CSMD3: variants seen among roughly 807,000 people sequenced by gnomAD.
CSMD3 encodes the protein CUB and Sushi multiple domains 3.
CSMD3 carries 177 observed loss-of-function variants against 435.2 expected under a neutral mutation model. That is an observed-to-expected ratio of 0.41 (90% CI 0.36 to 0.46). The LOEUF (loss-of-function observed/expected upper bound fraction) is 0.46, where lower values mean the gene tolerates loss of function less well. Among genes scored for constraint, CSMD3 ranks in the 20% least tolerant of loss-of-function variants. CSMD3 has a pLI of 0.34. For synonymous variants in CSMD3, 1,656 were observed against 1,520.5 expected, an observed-to-expected ratio of 1.09 and a Z score of -2.07; for missense variants, 4,265 against 4,504.6, an observed-to-expected ratio of 0.95 and a Z score of 1.52.
At chr8:113,189,337 T>C (rs2092552561) in intron 3 of CSMD3, among the ~76,000 whole-genome samples, 1 of 151,790 alleles carries the variant, frequency 6.6e-6, no homozygotes, top group African/African-American at 2.4e-5. Flanking sequence ...CATTCTATAC[T>C]GTCAGACTGC....
chr8:113,400,764 G>A (rs374737112), intron 1 of CSMD3, among the ~76,000 whole-genome samples: 25 of 151,810 alleles, frequency 1.6e-4, no homozygotes, highest in African/African-American at 5.1e-4. Context: ...ATATTTAAGC[G>A]TGGTACAAAC....
intron 22 of CSMD3, among the ~76,000 whole-genome samples, chr8:112,623,853 C>G (rs1195883317): frequency 6.6e-6 from 1 of 151,996 alleles, no homozygotes; most frequent in African/African-American, 2.4e-5. Context: ...CACAGCATGA[C>G]AGTTTGTTAC....
At chr8:112,609,201 CAAAAAAAAAAAAAAAAA>C (rs71566035) in intron 22 of CSMD3, among the ~76,000 whole-genome samples, 1 of 43,106 alleles carries the variant, frequency 2.3e-5, no homozygotes, top group Non-Finnish European at 4.1e-5. Flanking sequence ...GATACTGCCT[CAAAAAAAAAAAAAAAAA>C]AAAAAAAAAA....
At chr8:113,399,126 A>C (rs2094498006) in intron 1 of CSMD3, among the ~76,000 whole-genome samples, 2 of 124,932 alleles carry the variant, frequency 1.6e-5, no homozygotes, top group African/African-American at 6.0e-5. Flanking sequence ...CACACACACT[A>C]TATATGTGTG....
Position 113,219,007 on chromosome 8 carries a change from G to A in CSMD3, c.515-45091C>T, listed in dbSNP as rs1451179964. 3.3e-5 allele frequency among the ~76,000 whole-genome samples: 5 copies of A among 151,384 alleles called. No individual in the cohort carries two copies. In the South Asian group the frequency reaches 8.3e-4, roughly 25 times the overall value. On this transcript the variant is annotated intron_variant, in intron 3 of 70. Transcript: ENST00000297405. ...ATATTTATCTCAGTAGATGCTCAAAGATGATTTGACAAAACCCAACACTCA... is the reference window on the plus strand; with the variant it reads ...ATATTTATCTCAGTAGATGCTCAAAAATGATTTGACAAAACCCAACACTCA...
rs1337250377 is a variant in CSMD3, at chr8:112,319,937, C to T, written c.7210G>A (p.Ala2404Thr). The T allele has an allele frequency of 1.9e-6, 3 of 1,612,996 alleles. No individual in the cohort carries two copies. In the South Asian group the frequency reaches 3.3e-5, roughly 18 times the overall value. ...TCATCATCTTCCGTCAAAATTTCAG[C>T]ATTGGGCACAGGTGGTGGAGGTTGG... ...VCQPPPPVPN[A>T]EILTEDDEFE... The change falls in exon 46 of 71, where the codon GCT (alanine) becomes ACT (threonine). Residue 2404 changes from alanine to threonine, a missense_variant. This residue lies in a region of CSMD3 where 3,255 missense variants were observed against 3,380.2 expected (regional missense o/e 0.96). Coordinates refer to ENST00000297405, the MANE Select transcript of CSMD3 (RefSeq NM_198123.2).
rs1004103879 is a variant in CSMD3, at chr8:113,314,806, A to G, written c.179-13T>C. 2 of 1,436,014 alleles carry G rather than the reference A, an allele frequency of 1.4e-6. No homozygotes were observed. Among genetic ancestry groups the G allele is most frequent in the East Asian group, 2.3e-5 (1 of 43,938 alleles). The allele number at this position is 1,436,014 out of a possible 1,614,324, so 89.0% of individuals were successfully genotyped here. A position where few individuals can be genotyped will look rare whatever the true frequency, so the allele number is the denominator to read the frequency against. ...GTATAAATAAATCCTGCAACAAAAG[A>G]CAATAAACAGACATTAATATTATAT... On this transcript the variant is annotated splice_polypyrimidine_tract_variant and intron_variant, in intron 1 of 70. Transcript: ENST00000297405.
At chr8:112,697,662 C>T (rs969275126) in intron 13 of CSMD3, among the ~76,000 whole-genome samples, 2 of 151,888 alleles carry the variant, frequency 1.3e-5, no homozygotes, top group East Asian at 3.9e-4. Context: ...GGGTGCAGCA[C>T]ACCAACATGA....
At chr8:112,976,408 A>C (rs1350899004) in intron 6 of CSMD3, among the ~76,000 whole-genome samples, 1 of 152,090 alleles carries the variant, frequency 6.6e-6, no homozygotes, top group Admixed American at 6.6e-5. Context: ...GTAAAAGGGT[A>C]AACCCTTTAT....
intron 31 of CSMD3, among the ~76,000 whole-genome samples, chr8:112,476,595 T>G (rs1024080580): frequency 8.6e-5 from 13 of 151,932 alleles, no homozygotes; most frequent in South Asian, 2.1e-4. Context: ...AATGTGGGGG[T>G]TTTTTGGTAA....
intron 3 of CSMD3, among the ~76,000 whole-genome samples, chr8:113,220,690 A>G (rs1170334886): frequency 1.3e-5 from 2 of 151,424 alleles, no homozygotes; most frequent in Admixed American, 6.6e-5. Flanking sequence ...TTGGAAATCT[A>G]GGAGCTTTTT....
intron 20 of CSMD3, among the ~76,000 whole-genome samples, chr8:112,640,094 G>T (rs941046584): frequency 3.9e-5 from 6 of 152,014 alleles, no homozygotes; most frequent in Admixed American, 1.3e-4. Context: ...TTTTTAATTT[G>T]TTCCATTCCA....
intron 4 of CSMD3, among the ~76,000 whole-genome samples, chr8:113,102,568 T>G (rs1159667737): frequency 1.3e-5 from 2 of 152,144 alleles, no homozygotes; most frequent in East Asian, 1.9e-4. Context: ...GTACTAATGC[T>G]GTATGTTTGG....
chr8:113,017,352 T>C (rs2086502879), intron 6 of CSMD3, among the ~76,000 whole-genome samples: 1 of 152,008 alleles, frequency 6.6e-6, no homozygotes, highest in Non-Finnish European at 1.5e-5. Context: ...TGTCTTATAG[T>C]GCAAAACAAC....
chr8:112,544,840 G>A (rs1827006754), intron 27 of CSMD3, among the ~76,000 whole-genome samples: 1 of 152,130 alleles, frequency 6.6e-6, no homozygotes, highest in Non-Finnish European at 1.5e-5. Flanking sequence ...TGAATGTTCA[G>A]TACAAACTTT....
chr8:112,610,001 T>A (rs1282992020), intron 22 of CSMD3, among the ~76,000 whole-genome samples: 1 of 151,926 alleles, frequency 6.6e-6, no homozygotes, highest in Non-Finnish European at 1.5e-5. Flanking sequence ...AGAAAGTTGG[T>A]TAACAAAGGT....
intron 1 of CSMD3, among the ~76,000 whole-genome samples, chr8:113,327,443 T>G (rs1391657499): frequency 6.6e-6 from 1 of 152,160 alleles, no homozygotes; most frequent in African/African-American, 2.4e-5. Flanking sequence ...GGGTGTTTTT[T>G]TCAAGAAAAA....
At position 112,373,005 on chromosome 8, in the gene CSMD3, AAT is replaced by A. The variant is rs199918042; in HGVS notation, c.6136+7345_6136+7346del. On this transcript the variant is annotated intron_variant, in intron 38 of 70. Transcript: ENST00000297405. ...TATATATTTATATTTTATATATAAA[AAT>A]ATATATATATATATATTTTTTTTCT... Among the ~76,000 whole-genome samples the A allele has an allele frequency of 2.5e-3, 329 of 132,638 alleles. 4 individuals are homozygous for A. Among genetic ancestry groups the A allele is most frequent in the East Asian group, 2.4e-3 (11 of 4,646 alleles). 87.0% of individuals were successfully genotyped at this position (132,638 alleles called of 152,430 possible).
chr8:112,466,878 T>C (rs1234844771), intron 32 of CSMD3, among the ~76,000 whole-genome samples: 1 of 152,152 alleles, frequency 6.6e-6, no homozygotes, highest in Non-Finnish European at 1.5e-5. Context: ...AATACTATAA[T>C]AGAGCTATAT....
Sources: gnomAD v4.1 joint callset for allele counts (sites outside exome capture counted in the v4.1 genomes callset) on GRCh38, gnomAD v4.1.1 for gene constraint, gnomAD v4.1.1 regional missense constraint, MANE v1.5 for transcripts, NCBI Gene and HGNC (gene_info 2026-07-23, HGNC 2026-07-21) for gene names.